FSTL4: variants seen among roughly 807,000 people sequenced by gnomAD.
The protein encoded by FSTL4 is follistatin-related protein 4.
Under a neutral mutation model 78.2 loss-of-function variants are expected in FSTL4, and 28 were observed. The observed-to-expected ratio is 0.36, with a 90% CI of 0.27 to 0.49. FSTL4 has a LOEUF of 0.49. FSTL4 is among the 20% of genes least tolerant of loss of function. The pLI is 0.98. For missense variants in FSTL4, 922 were observed against 1,084.9 expected, an observed-to-expected ratio of 0.85 and a Z score of 2.11; for synonymous variants, 422 against 440.5, an observed-to-expected ratio of 0.96 and a Z score of 0.53.
chr5:133,547,478 G>A (rs540666971), intron 3 of FSTL4, among the ~76,000 whole-genome samples: 13 of 152,202 alleles, frequency 8.5e-5, no homozygotes, highest in Non-Finnish European at 1.5e-4. Context: ...GTTTCAGTGT[G>A]TCCCCCAGAA....
intron 6 of FSTL4, among the ~76,000 whole-genome samples, chr5:133,308,043 G>A (rs1753695052): frequency 6.6e-6 from 1 of 152,198 alleles, no homozygotes; most frequent in Admixed American, 6.5e-5. Flanking sequence ...GCCTCCCAAA[G>A]TGCTGGGATT....
the FSTL4 span, among the ~76,000 whole-genome samples, chr5:133,633,142 G>A: frequency 1.3e-5 from 2 of 152,050 alleles, no homozygotes; most frequent in Non-Finnish European, 2.9e-5. Context: ...TATCCTGCTT[G>A]GAGTTTGCTA....
chr5:133,479,813 C>T (rs1757990855), intron 3 of FSTL4, among the ~76,000 whole-genome samples: 3 of 152,156 alleles, frequency 2.0e-5, no homozygotes, highest in Admixed American at 2.0e-4. Context: ...TTGACTTGTA[C>T]ATAAAATGGA....
At chr5:133,427,778 T>C in intron 3 of FSTL4, 2 of 469,156 alleles carry the variant, frequency 4.3e-6, no homozygotes, top group South Asian at 1.6e-5. Context: ...ACTTCTGCCA[T>C]CAGGACAGAC....
the FSTL4 span, among the ~76,000 whole-genome samples, chr5:133,768,166 A>C: frequency 6.6e-5 from 10 of 152,314 alleles, no homozygotes; most frequent in Admixed American, 6.5e-4. Flanking sequence ...GTCCACACCC[A>C]GGACCAGCAC....
chr5:133,280,625 C>T (rs1323030113), intron 6 of FSTL4, among the ~76,000 whole-genome samples: 1 of 152,112 alleles, frequency 6.6e-6, no homozygotes, highest in Non-Finnish European at 1.5e-5. Context: ...TGGTCTTGCT[C>T]CTGGTGTTTT....
At chr5:133,328,942 G>A (rs978135688) in intron 4 of FSTL4, among the ~76,000 whole-genome samples, 3 of 152,224 alleles carry the variant, frequency 2.0e-5, no homozygotes, top group South Asian at 2.1e-4. Flanking sequence ...AGGCAATGGC[G>A]TCAGTGATGT....
At chr5:133,706,597 T>C in the FSTL4 span, among the ~76,000 whole-genome samples, 3 of 152,218 alleles carry the variant, frequency 2.0e-5, no homozygotes, top group East Asian at 1.9e-4. Context: ...ATAAATGCCA[T>C]GTGACAGACC....
At chr5:133,249,321 T>C (rs1581568487) in intron 7 of FSTL4, 89 bp downstream of exon 7, 3 of 1,030,206 alleles carry the variant, frequency 2.9e-6, no homozygotes, top group South Asian at 2.7e-5. Context: ...ACTAAAACTC[T>C]CCCGTCCTGC....
At chr5:133,363,702 G>T (rs145557693) in intron 4 of FSTL4, among the ~76,000 whole-genome samples, 1 of 152,216 alleles carries the variant, frequency 6.6e-6, no homozygotes, top group Non-Finnish European at 1.5e-5. Flanking sequence ...TGAAACCTGG[G>T]CTGAGGGCAT....
At chr5:133,292,083 C>T (rs913448793) in intron 6 of FSTL4, among the ~76,000 whole-genome samples, 3 of 152,158 alleles carry the variant, frequency 2.0e-5, no homozygotes, top group Admixed American at 6.5e-5. Context: ...GATGGAGGAT[C>T]GCAGAGAGAG....
the FSTL4 span, among the ~76,000 whole-genome samples, chr5:133,684,627 C>T: frequency 1.3e-5 from 2 of 152,144 alleles, no homozygotes; most frequent in African/African-American, 2.4e-5. Context: ...TTTCTGCCTT[C>T]GAGTATCCAG....
chr5:133,218,119 C>T (rs995672335), intron 12 of FSTL4, among the ~76,000 whole-genome samples: 3 of 152,194 alleles, frequency 2.0e-5, no homozygotes, highest in Non-Finnish European at 4.4e-5. Flanking sequence ...CTTGATTTTA[C>T]TTCTTAATCC....
At chr5:133,630,440 T>C in the FSTL4 span, among the ~76,000 whole-genome samples, 1 of 152,154 alleles carries the variant, frequency 6.6e-6, no homozygotes, top group African/African-American at 2.4e-5. Flanking sequence ...TTACAAGGGA[T>C]GTGAAGGACT....
the FSTL4 span, among the ~76,000 whole-genome samples, chr5:133,792,670 A>C: frequency 6.6e-6 from 1 of 152,250 alleles, no homozygotes; most frequent in African/African-American, 2.4e-5. Flanking sequence ...CTATGTTGTA[A>C]TCACATTTCC....
chr5:133,267,134 G>A (rs1039163067), intron 6 of FSTL4, among the ~76,000 whole-genome samples: 7 of 152,202 alleles, frequency 4.6e-5, no homozygotes, highest in African/African-American at 1.7e-4. Flanking sequence ...GAAAAACTGG[G>A]TGATGATTCA....
intron 4 of FSTL4, among the ~76,000 whole-genome samples, chr5:133,384,646 G>A (rs538111151): frequency 2.6e-5 from 4 of 152,250 alleles, no homozygotes; most frequent in Admixed American, 2.0e-4. Context: ...GAATGTCCTC[G>A]ATGCCTCCTG....
At chr5:133,738,040 T>C in the FSTL4 span, among the ~76,000 whole-genome samples, 2 of 152,158 alleles carry the variant, frequency 1.3e-5, no homozygotes, top group Admixed American at 1.3e-4. Flanking sequence ...CAGGTAGCTC[T>C]TGGGACGTGC....
chr5:133,642,599 C>T, the FSTL4 span, among the ~76,000 whole-genome samples: 1 of 152,192 alleles, frequency 6.6e-6, no homozygotes, highest in Non-Finnish European at 1.5e-5. Flanking sequence ...CAGATTTAGA[C>T]CTTCAGAACT....
Sources: allele counts gnomAD v4.1 joint callset (sites outside exome capture counted in the v4.1 genomes callset), GRCh38; gene constraint gnomAD v4.1.1; transcripts MANE v1.5; gene names NCBI Gene and HGNC (gene_info 2026-07-23, HGNC 2026-07-21).